The following CERS3 variants were observed in gnomAD, a reference collection of about 807,000 sequenced individuals.
CERS3 encodes ceramide synthase 3.
A neutral mutation model predicts 50.3 loss-of-function variants in CERS3; 33 were observed. That is an observed-to-expected ratio of 0.66 (90% CI 0.50 to 0.88). The LOEUF (loss-of-function observed/expected upper bound fraction) is 0.88, where lower values mean the gene tolerates loss of function less well. CERS3 is among the 40% of genes least tolerant of loss of function. CERS3 has a pLI of 0.00. For missense variants in CERS3, 470 were observed against 460.3 expected, an observed-to-expected ratio of 1.02 and a Z score of -0.19; for synonymous variants, 176 against 155.2, an observed-to-expected ratio of 1.13 and a Z score of -0.99.
Position 100,483,083 on chromosome 15 carries a change from G to C in CERS3, c.407+1467C>G, listed in dbSNP as rs368726186. Among the ~76,000 whole-genome samples the C allele has an allele frequency of 1.3e-4, 20 of 152,230 alleles. 1 individual carries two copies. In the East Asian group the frequency reaches 3.9e-3, roughly 29 times the overall value. ...TGTCTTTGCTTTACTTGAAAATACT[G>C]CCTCAAACCTGCTTTCTTTTCTTTT... On this transcript the variant is annotated intron_variant, in intron 5 of 11. Transcript: ENST00000679737.
intron 3 of CERS3, among the ~76,000 whole-genome samples, chr15:100,492,956 G>T (rs1396676383): frequency 6.6e-6 from 1 of 152,002 alleles, no homozygotes; most frequent in South Asian, 2.1e-4. Context: ...TTTCAATAGG[G>T]TTAAAAAACT....
chr15:100,544,483 C>T (rs1281818710), intron 1 of CERS3: 1 of 151,516 alleles, frequency 6.6e-6, no homozygotes, highest in Non-Finnish European at 1.5e-5. Flanking sequence ...CACGGGCCCT[C>T]TCTCGGCCTC....
At chr15:100,461,438 G>GGCTCCCAA (rs1220773172) in intron 10 of CERS3, among the ~76,000 whole-genome samples, 1 of 152,184 alleles carries the variant, frequency 6.6e-6, no homozygotes, top group East Asian at 1.9e-4. Context: ...TTTCAATCAG[G>GGCTCCCAA]GCTCCCAGGA....
At chr15:100,522,373 G>C (rs540314458) in intron 1 of CERS3, among the ~76,000 whole-genome samples, 2 of 152,258 alleles carry the variant, frequency 1.3e-5, no homozygotes, top group East Asian at 3.9e-4. Flanking sequence ...GTGCAGTCCT[G>C]GTATCAGTAT....
chr15:100,523,428 G>A (rs1007422731), intron 1 of CERS3, among the ~76,000 whole-genome samples: 14 of 152,240 alleles, frequency 9.2e-5, no homozygotes, highest in African/African-American at 2.9e-4. Context: ...ATCGCCAAGT[G>A]TAGTGGCTCA....
chr15:100,493,639 T>C (rs1041333108), intron 3 of CERS3, among the ~76,000 whole-genome samples: 104 of 152,292 alleles, frequency 6.8e-4, no homozygotes, highest in African/African-American at 2.5e-3. Flanking sequence ...TATTCTCTTC[T>C]CTCCTTCTGG....
In CERS3 at chr15:100,442,890, C is replaced by A. The variant is rs2033746054; in HGVS notation, c.999+13003G>T. On this transcript the variant is annotated intron_variant, in intron 11 of 11. Coordinates refer to ENST00000679737, the MANE Select transcript of CERS3 (RefSeq NM_001378789.1). ...ACGGAGGCTACCCACTCCACATTAC[C>A]TTCTTTACAAAGGCCTGTTTCCCTT... is the stretch of plus-strand genomic sequence containing the variant. Among the ~76,000 whole-genome samples the A allele has an allele frequency of 2.0e-5, 3 of 151,850 alleles. No homozygotes were observed. The South Asian group carries it at 6.2e-4, about 32-fold the overall frequency.
chr15:100,420,429 G>A (rs1215602505), intron 11 of CERS3, among the ~76,000 whole-genome samples: 1 of 152,154 alleles, frequency 6.6e-6, no homozygotes, highest in African/African-American at 2.4e-5. Context: ...CTGAAATTGT[G>A]GCAATAATCA....
Position 100,475,886 on chromosome 15 carries a change from A to G in CERS3, c.609+200T>C, listed in dbSNP as rs62038991. 0.07 allele frequency: 20,895 copies of G among 299,342 alleles called. 1,009 individuals are homozygous for G. Among genetic ancestry groups the G allele is most frequent in the Non-Finnish European group, 0.099 (15,825 of 160,288 alleles). 18.5% of individuals were successfully genotyped at this position (299,342 alleles called of 1,614,324 possible). ...GTGGAGCTTCAAAGTTAAAGTTTTT[A>G]TAATGTTTCACTACAAATGTTTACC... On this transcript the variant is annotated intron_variant, in intron 8 of 11. Coordinates refer to ENST00000679737, the MANE Select transcript of CERS3 (RefSeq NM_001378789.1).
intron 11 of CERS3, among the ~76,000 whole-genome samples, chr15:100,421,615 C>T (rs1436487944): frequency 4.7e-5 from 7 of 148,730 alleles, no homozygotes; most frequent in South Asian, 2.2e-4. Context: ...AAAAAGAGCC[C>T]GCATCGCCAA....
At chr15:100,503,808 G>T (rs1306105858) in intron 2 of CERS3, 6 of 464,696 alleles carry the variant, frequency 1.3e-5, no homozygotes, top group Non-Finnish European at 2.2e-5. Context: ...GCAGAGAGAA[G>T]GTTTGGCCAG....
At chr15:100,502,323 G>A (rs2036037495) in intron 2 of CERS3, among the ~76,000 whole-genome samples, 1 of 150,262 alleles carries the variant, frequency 6.7e-6, no homozygotes, top group South Asian at 2.1e-4. Flanking sequence ...TTATTTAATG[G>A]ATTATATGAT....
intron 11 of CERS3, among the ~76,000 whole-genome samples, chr15:100,414,156 T>A (rs2031711614): frequency 6.6e-6 from 1 of 152,066 alleles, no homozygotes; most frequent in African/African-American, 2.4e-5. Context: ...GAGAGCCAAA[T>A]CATGAATGAA....
At chr15:100,511,275 C>A (rs562785040) in intron 2 of CERS3, among the ~76,000 whole-genome samples, 1 of 151,666 alleles carries the variant, frequency 6.6e-6, no homozygotes, top group South Asian at 2.1e-4. Context: ...CGTGACAGAG[C>A]AAGACTCCAT....
chr15:100,498,539 T>G (rs997324794), intron 3 of CERS3, among the ~76,000 whole-genome samples: 6 of 152,098 alleles, frequency 3.9e-5, no homozygotes, highest in African/African-American at 1.4e-4. Context: ...TCTGCTCCCA[T>G]GTAAATGGTT....
chr15:100,512,923 T>G (rs2036388450), intron 2 of CERS3, among the ~76,000 whole-genome samples: 2 of 152,198 alleles, frequency 1.3e-5, no homozygotes, highest in Admixed American at 6.5e-5. Context: ...GCCCTTTTGC[T>G]CCCACTGATT....
chr15:100,415,803 G>A (rs576166874), intron 11 of CERS3, among the ~76,000 whole-genome samples: 203 of 28,232 alleles, frequency 7.2e-3, no homozygotes, highest in African/African-American at 0.022. Context: ...GGCAGGGAGT[G>A]AGGGAGGGGA....
At chr15:100,531,118 T>C (rs67879408), upstream of CERS3, among the ~76,000 whole-genome samples, 13,318 of 152,076 alleles carry the variant, frequency 0.088, 671 homozygotes, top group Admixed American at 0.13. Context: ...AAAAAACCAA[T>C]ATTGTAGAAC....
In CERS3 at chr15:100,402,857, C is replaced by A; in HGVS notation, c.1008G>T (p.Gln336His). The change falls in exon 12 of 12, where the codon CAG becomes CAT. Residue 336 changes from glutamine (Q) to histidine (H), a missense_variant. Coordinates refer to ENST00000679737, the MANE Select transcript of CERS3 (RefSeq NM_001378789.1). ...LNRCIFMKSI[Q>H]DVRSDDEDYE... Reference sequence around the variant, plus strand: ...AATCCTCGTCATCACTCCTCACATCCTGGATGCTCTAGACAAAGGAAAGAA... The same window carrying A: ...AATCCTCGTCATCACTCCTCACATCATGGATGCTCTAGACAAAGGAAAGAA... 6.3e-7 allele frequency: 1 copy of A among 1,596,242 alleles called. No individual in the cohort carries two copies. The highest frequency in any genetic ancestry group is 1.3e-5 in the African/African-American group (1 of 74,796).
Sources: gnomAD v4.1 joint callset for allele counts (sites outside exome capture counted in the v4.1 genomes callset) on GRCh38, gnomAD v4.1.1 for gene constraint, MANE v1.5 for transcripts, NCBI Gene and HGNC (gene_info 2026-07-23, HGNC 2026-07-21) for gene names.